Variants in CAMSAP1 observed in about 807,000 individuals in gnomAD.
CAMSAP1 encodes calmodulin-regulated spectrin-associated protein 1.
CAMSAP1 carries 58 observed loss-of-function variants against 143.5 expected under a neutral mutation model. The ratio of observed to expected loss-of-function variants is 0.40; its 90% CI spans 0.33 to 0.50. CAMSAP1 has a LOEUF of 0.50. Ranked by LOEUF, CAMSAP1 falls within the 20% of genes least tolerant of loss-of-function variation. The pLI is 0.45. For missense variants in CAMSAP1, 1,969 were observed against 2,115.7 expected (o/e 0.93, Z 1.36); for synonymous variants, 945 against 859.3 (o/e 1.10, Z -1.74).
chr9:135,907,438 G>GCGGGGGCGGGAGCGGGC lies in CAMSAP1; in HGVS notation c.-296_-280dup, dbSNP rs1838822481. Among the ~76,000 whole-genome samples, 1 of 145,554 alleles carries GCGGGGGCGGGAGCGGGC rather than the reference G, an allele frequency of 6.9e-6. No homozygotes were observed. On this transcript the variant is annotated 5_prime_UTR_variant, in exon 1 of 17. Transcript: ENST00000389532. Reference sequence around the variant, plus strand: ...GCGCGGGCCGGGGGCGGGGGCGGGCGCGGGGGCGGGAGCGGGCCGGGGGCG... The same window carrying GCGGGGGCGGGAGCGGGC: ...GCGCGGGCCGGGGGCGGGGGCGGGCGCGGGGGCGGGAGCGGGCCGGGGGCGGGAGCGGGCCGGGGGCG...
intron 3 of CAMSAP1, among the ~76,000 whole-genome samples, chr9:135,871,216 T>A (rs1837560633): frequency 6.6e-6 from 1 of 152,148 alleles, no homozygotes; most frequent in South Asian, 2.1e-4. Context: ...TGAGATGGGG[T>A]CTCACCCTGT....
chr9:135,818,393 G>A lies in CAMSAP1; in HGVS notation c.4168+15C>T. ...GGAAGGAAGCGCTGCCCGCGTGAGGGCCGGGGCTGCTTACGGGTGGAGGAG... is the reference window on the plus strand; with the variant it reads ...GGAAGGAAGCGCTGCCCGCGTGAGGACCGGGGCTGCTTACGGGTGGAGGAG... On this transcript the variant is annotated intron_variant, in intron 13 of 16. Coordinates refer to ENST00000389532, the MANE Select transcript of CAMSAP1 (RefSeq NM_015447.4). The surrounding 1 kb of genome is among the most constrained non-coding windows in gnomAD (Gnocchi z 7.7). 3 of 1,558,420 alleles carry A rather than the reference G, an allele frequency of 1.9e-6. No individual in the cohort carries two copies. The highest frequency in any genetic ancestry group is 1.7e-6 in the Non-Finnish European group (2 of 1,157,560).
intron 1 of CAMSAP1, among the ~76,000 whole-genome samples, chr9:135,906,328 G>C (rs1838776184): frequency 6.6e-6 from 1 of 152,256 alleles, no homozygotes; most frequent in Non-Finnish European, 1.5e-5. Context: ...CAAAGCACCT[G>C]AAATTAATAA....
chr9:135,867,807 C>G (rs1300539532), intron 3 of CAMSAP1, among the ~76,000 whole-genome samples: 2 of 152,088 alleles, frequency 1.3e-5, no homozygotes, highest in East Asian at 1.9e-4. Context: ...AGAGGGGAAC[C>G]CTGTAAGCAA....
intron 4 of CAMSAP1, among the ~76,000 whole-genome samples, chr9:135,864,679 G>A (rs1279594050): frequency 6.6e-6 from 1 of 152,220 alleles, no homozygotes; most frequent in Non-Finnish European, 1.5e-5. Context: ...AAAACCAAAT[G>A]CTGTTTTCAC....
intron 7 of CAMSAP1, among the ~76,000 whole-genome samples, chr9:135,848,745 C>T (rs1836667549): frequency 6.6e-6 from 1 of 152,246 alleles, no homozygotes; most frequent in African/African-American, 2.4e-5. Context: ...AGAGGCACAT[C>T]TGGGAGCTTC....
chr9:135,830,152 G>A (rs1030309107), intron 7 of CAMSAP1, among the ~76,000 whole-genome samples: 3 of 152,116 alleles, frequency 2.0e-5, no homozygotes, highest in Non-Finnish European at 4.4e-5. Context: ...AAGAGACAAA[G>A]ACATGCAAAA....
chr9:135,850,517 G>A, intron 5 of CAMSAP1, 56 bp from the exon 6 acceptor site: 2 of 1,392,494 alleles, frequency 1.4e-6, no homozygotes, highest in South Asian at 1.4e-5. Flanking sequence ...CTTCGAGAGA[G>A]AGAGAAGCAT....
chr9:135,903,552 G>A (rs1463859873), intron 1 of CAMSAP1, among the ~76,000 whole-genome samples: 1 of 152,216 alleles, frequency 6.6e-6, no homozygotes. Flanking sequence ...CAGACTGGTG[G>A]CCCCAGGACA....
intron 7 of CAMSAP1, among the ~76,000 whole-genome samples, chr9:135,840,929 G>A (rs995057300): frequency 6.6e-6 from 1 of 152,180 alleles, no homozygotes; most frequent in African/African-American, 2.4e-5. Flanking sequence ...GACCATTTGG[G>A]CAGACACCGA....
intron 3 of CAMSAP1, among the ~76,000 whole-genome samples, chr9:135,874,395 C>G (rs765605216): frequency 6.9e-6 from 1 of 145,578 alleles, no homozygotes; most frequent in Non-Finnish European, 1.5e-5. Flanking sequence ...TTGCTTGAGC[C>G]CAGGAGAATG....
At chr9:135,817,762 T>TTAAAAA in intron 14 of CAMSAP1, 2 of 529,086 alleles carry the variant, frequency 3.8e-6, no homozygotes, top group Non-Finnish European at 3.4e-6. Context: ...CAGGGGAGGG[T>TTAAAAA]GATAAGGTGA....
chr9:135,906,403 C>G (rs1838778212), intron 1 of CAMSAP1, among the ~76,000 whole-genome samples: 1 of 152,230 alleles, frequency 6.6e-6, no homozygotes, highest in Admixed American at 6.5e-5. Context: ...ACAGAAGCGT[C>G]TTAATCCACT....
chr9:135,891,215 C>A (rs1312066802), intron 1 of CAMSAP1, among the ~76,000 whole-genome samples: 1 of 152,186 alleles, frequency 6.6e-6, no homozygotes, highest in Non-Finnish European at 1.5e-5. Flanking sequence ...CCTGACCCAG[C>A]TGGCTGCAGT....
intron 5 of CAMSAP1, among the ~76,000 whole-genome samples, chr9:135,858,626 A>C (rs1837062805): frequency 6.6e-6 from 1 of 152,256 alleles, no homozygotes; most frequent in Admixed American, 6.5e-5. Context: ...GGATTTAATC[A>C]GAGAAATCTG....
At chr9:135,878,276 T>C (rs1248288053) in intron 3 of CAMSAP1, among the ~76,000 whole-genome samples, 1 of 152,028 alleles carries the variant, frequency 6.6e-6, no homozygotes, top group Non-Finnish European at 1.5e-5. Context: ...GCAGCAACCA[T>C]GCAGGCAGGG....
Position 135,881,943 on chromosome 9 carries a change from C to T in CAMSAP1, c.424-149G>A, listed in dbSNP as rs932269634. 2.0e-5 allele frequency: 19 copies of T among 954,894 alleles called. 2 individuals carry two copies. The South Asian group carries it at 3.0e-4, about 15-fold the overall frequency. The allele number at this position is 954,894 out of a possible 1,614,324, so 59.2% of individuals were successfully genotyped here. ...AAGAGATACTCAGATTTGAGACCTG[C>T]CTCCCCCGCACCATCACTGTTCCAA... On this transcript the variant is annotated intron_variant, in intron 2 of 16. Transcript: ENST00000389532.
intron 3 of CAMSAP1, among the ~76,000 whole-genome samples, chr9:135,868,805 A>C (rs1249330365): frequency 6.6e-6 from 1 of 151,726 alleles, no homozygotes; most frequent in East Asian, 1.9e-4. Context: ...TTTAGCAGAG[A>C]CAGGATTTCA....
chr9:135,827,471 G>A lies in CAMSAP1; in HGVS notation c.1159C>T (p.Pro387Ser), dbSNP rs772515288. Residue 387 changes from proline to serine, a missense_variant, in exon 8 of 17, where the codon CCC becomes TCC. This residue lies in a region of CAMSAP1 where 1,390 missense variants were observed against 1,420.8 expected (regional missense o/e 0.98). Transcript: ENST00000389532. ...AAGTLAELQP[P>S]VQLPAEGCHR... Reference sequence around the variant, plus strand: ...CAGCCTTCCGCCGGCAGCTGCACGGGGGGCTGCAGCTCAGCCAGGGTCCCT... The same window carrying A: ...CAGCCTTCCGCCGGCAGCTGCACGGAGGGCTGCAGCTCAGCCAGGGTCCCT... 1 of 1,609,552 alleles carries A rather than the reference G, an allele frequency of 6.2e-7. No individual in the cohort carries two copies. The highest frequency in any genetic ancestry group is 1.7e-5 in the Admixed American group (1 of 59,836).
Sources: allele counts gnomAD v4.1 joint callset (sites outside exome capture counted in the v4.1 genomes callset), GRCh38; gene constraint gnomAD v4.1.1; regional missense constraint gnomAD v4.1.1; non-coding constraint Gnocchi (gnomAD v3.1); transcripts MANE v1.5; gene names NCBI Gene and HGNC (gene_info 2026-07-23, HGNC 2026-07-21).